MIA3: variants seen among roughly 807,000 people sequenced by gnomAD.
MIA3 encodes transport and Golgi organization protein 1 homolog.
In MIA3, 90 loss-of-function variants were observed where a neutral mutation model predicts 192.4. The ratio of observed to expected loss-of-function variants is 0.47; its 90% confidence interval spans 0.39 to 0.56. The LOEUF (loss-of-function observed/expected upper bound fraction) is 0.56. MIA3 is among the 20% of genes least tolerant of loss of function. The pLI is 0.00. For synonymous variants in MIA3, 740 were observed against 792.8 expected, an observed-to-expected ratio of 0.93 and a Z score of 1.12; for missense variants, 2,123 against 2,269.4, an observed-to-expected ratio of 0.94 and a Z score of 1.31.
chr1:222,629,581 T>G lies in MIA3; in HGVS notation c.2361T>G (p.Asp787Glu). 1 of 1,613,932 alleles carries G rather than the reference T, an allele frequency of 6.2e-7. No homozygotes were observed. The highest frequency in any genetic ancestry group is 8.5e-7 in the Non-Finnish European group (1 of 1,179,974). The change falls in exon 4 of 28, where the codon GAT (aspartate) becomes GAG (glutamate). Residue 787 changes from aspartate (D) to glutamate (E), a missense_variant. Physicochemically the swap from Asp to Glu is conservative, Grantham distance 45. This residue lies in a region of MIA3 where 1,357 missense variants were observed against 1,396.1 expected (regional missense o/e 0.97). Coordinates refer to ENST00000344922, the MANE Select transcript of MIA3 (RefSeq NM_198551.4). ...AGCAAGAAACTAGTATGATTTTGGA[T>G]AGCGAAAAAACAAGTGAGACTGCTG... Reference protein sequence around the residue: ...ESKQETSMILDSEKTSETAAK... With the variant: ...ESKQETSMILESEKTSETAAK...
chr1:222,629,651 G>A lies in MIA3; in HGVS notation c.2431G>A (p.Glu811Lys), dbSNP rs1226954958. 6.2e-7 allele frequency: 1 copy of A among 1,614,016 alleles called. No homozygotes were observed. The highest frequency in any genetic ancestry group is 1.3e-5 in the African/African-American group (1 of 74,910). The change falls in exon 4 of 28, where the codon GAA becomes AAA. Residue 811 changes from glutamate to lysine, a missense_variant. Coordinates refer to ENST00000344922, the MANE Select transcript of MIA3 (RefSeq NM_198551.4). ...TGGREPNTMV[E>K]KERPLADKKA... ...AGGCAGGGAACCAAATACAATGGTG[G>A]AAAAAGAACGCCCTCTGGCAGATAA...
intron 15 of MIA3, 134 bp from the exon 16 acceptor site, chr1:222,654,109 T>TAA: frequency 1.2e-6 from 1 of 809,140 alleles, no homozygotes. Context: ...AAAGTCAGTC[T>TAA]AATCCTTTTC....
intron 4 of MIA3, among the ~76,000 whole-genome samples, chr1:222,630,636 G>C (rs1662355757): frequency 6.6e-6 from 1 of 152,150 alleles, no homozygotes; most frequent in South Asian, 2.1e-4. Context: ...TTTGTAAAAA[G>C]CTAAAGAGAA....
rs776738075 is a variant in MIA3, at chr1:222,624,890, A to G, written c.354+36A>G. On this transcript the variant is annotated intron_variant, in intron 3 of 27. Coordinates refer to ENST00000344922, the MANE Select transcript of MIA3 (RefSeq NM_198551.4). ...GATTTCTGTCTTGTTCTCAGTTATA[A>G]GTTGGCTTATAAGTGACTACCTAGA... is the stretch of plus-strand genomic sequence containing the variant. 9 of 1,287,132 alleles carry G rather than the reference A, an allele frequency of 7.0e-6. No homozygotes were observed. The South Asian group carries it at 1.0e-4, about 14-fold the overall frequency. 79.7% of individuals were successfully genotyped at this position (1,287,132 alleles called of 1,614,324 possible). A position where few individuals can be genotyped will look rare whatever the true frequency, so the allele number is the denominator to read the frequency against.
At chr1:222,632,915 T>C (rs1662465120) in intron 5 of MIA3, among the ~76,000 whole-genome samples, 189 bp from the exon 6 acceptor site, 1 of 152,240 alleles carries the variant, frequency 6.6e-6, no homozygotes, top group South Asian at 2.1e-4. Flanking sequence ...AACACTGTAG[T>C]GTGTAATAGT....
At position 222,659,667 on chromosome 1, in the gene MIA3, C is replaced by CT. The variant is rs770237008; in HGVS notation, c.4806+17dup. The CT allele has an allele frequency of 1.2e-6, 2 of 1,613,848 alleles. No homozygotes were observed. The highest frequency in any genetic ancestry group is 1.7e-6 in the Non-Finnish European group (2 of 1,179,882). On this transcript the variant is annotated intron_variant, in intron 21 of 27. Transcript: ENST00000344922. ...AGCTCATGAAAACTGGGTAAGATTT[C>CT]TTTTTTTCTTTCCCTTATTTTGTGC... is the stretch of plus-strand genomic sequence containing the variant.
intron 6 of MIA3, chr1:222,644,396 C>G: frequency 6.5e-7 from 1 of 1,536,816 alleles, no homozygotes; most frequent in African/African-American, 1.4e-5. Flanking sequence ...GGGGCCTTTC[C>G]GGAGGAGGAA....
intron 1 of MIA3, among the ~76,000 whole-genome samples, chr1:222,619,551 A>G (rs1661765840): frequency 6.6e-6 from 1 of 152,242 alleles, no homozygotes; most frequent in African/African-American, 2.4e-5. Flanking sequence ...CAAAAGCGGT[A>G]CAACTGCCAT....
Position 222,650,723 on chromosome 1 carries a change from T to C in MIA3, c.3798+12T>C. On this transcript the variant is annotated intron_variant, in intron 10 of 27. Coordinates refer to ENST00000344922, the MANE Select transcript of MIA3 (RefSeq NM_198551.4). ...CAATTAAATATAAGGTAAAAACTTC[T>C]TTTGGGGATTACATTTTAAAACAAA... 1 of 1,577,778 alleles carries C rather than the reference T, an allele frequency of 6.3e-7. No individual in the cohort carries two copies. The highest frequency in any genetic ancestry group is 8.7e-7 in the Non-Finnish European group (1 of 1,155,834).
intron 6 of MIA3, chr1:222,641,985 A>C (rs1021712562): frequency 8.4e-6 from 3 of 357,682 alleles, no homozygotes; most frequent in African/African-American, 4.3e-5. Context: ...ACCATTATAG[A>C]TATGTGCAGC....
chr1:222,636,594 C>T (rs2124866792), intron 6 of MIA3, among the ~76,000 whole-genome samples: 1 of 149,878 alleles, frequency 6.7e-6, no homozygotes, highest in Middle Eastern at 3.4e-3. Flanking sequence ...CTCATTGCAA[C>T]CTCCACCTCC....
rs1663600736 is a variant in MIA3 at position 222,654,445 on chromosome 1, A to G, written c.4434A>G (p.Leu1478=). ...EEDLKLLQLK[L]RASVSTKCNL... ...ATCTAAAGCTTTTACAGCTTAAGCT[A>G]AGAGCCTCCGTGTCCACTAAATGTA... Residue 1478 remains leucine, a synonymous_variant, in exon 17 of 28, where the codon CTA becomes CTG. Coordinates refer to ENST00000344922, the MANE Select transcript of MIA3 (RefSeq NM_198551.4). 6.2e-7 allele frequency: 1 copy of G among 1,613,756 alleles called. No homozygotes were observed. The highest frequency in any genetic ancestry group is 8.5e-7 in the Non-Finnish European group (1 of 1,179,884).
At chr1:222,644,178 C>A (rs1663005055) in intron 6 of MIA3, 3 of 695,894 alleles carry the variant, frequency 4.3e-6, no homozygotes, top group Non-Finnish European at 2.0e-6. Context: ...TACTGGGATT[C>A]TTCCGCTCTA....
intron 24 of MIA3, among the ~76,000 whole-genome samples, chr1:222,661,682 T>C (rs1664020543): frequency 6.6e-6 from 1 of 152,216 alleles, no homozygotes; most frequent in African/African-American, 2.4e-5. Flanking sequence ...CACTTGTCAT[T>C]ACTATATAGT....
rs776552829 is a variant in MIA3, at chr1:222,628,889, G to C, written c.1669G>C (p.Glu557Gln). ...GATTTTGGAAGGTGGCTCAGAGAGT[G>C]AATCTGCACAGAAAGCTGCAGGGAA... ...EQILEGGSESESAQKAAGNQM... is the reference protein window; with the variant it reads ...EQILEGGSESQSAQKAAGNQM... The change falls in exon 4 of 28, where the codon GAA becomes CAA. Residue 557 changes from glutamate to glutamine, a missense_variant. Glu to Gln is a conservative substitution (Grantham distance 29, BLOSUM62 2). Coordinates refer to ENST00000344922, the MANE Select transcript of MIA3 (RefSeq NM_198551.4). The C allele has an allele frequency of 7.4e-6, 12 of 1,614,054 alleles. No individual in the cohort carries two copies. Among genetic ancestry groups the C allele is most frequent in the East Asian group, 2.2e-5 (1 of 44,900 alleles).
chr1:222,648,876 T>G, intron 8 of MIA3, 26 bp downstream of exon 8: 3 of 1,393,034 alleles, frequency 2.2e-6, no homozygotes, highest in Non-Finnish European at 3.0e-6. Flanking sequence ...TTTTTGTTAT[T>G]TGTACTAGTC....
intron 3 of MIA3, 66 bp from the exon 4 acceptor site, chr1:222,627,509 G>A (rs1038606055): frequency 1.0e-5 from 13 of 1,292,876 alleles, no homozygotes; most frequent in South Asian, 8.9e-5. Flanking sequence ...AATCATTAAC[G>A]TGGATAAGAC....
At chr1:222,633,838 G>C (rs1230702670) in intron 6 of MIA3, among the ~76,000 whole-genome samples, 1 of 151,828 alleles carries the variant, frequency 6.6e-6, no homozygotes, top group Non-Finnish European at 1.5e-5. Context: ...TGGGTAGTTG[G>C]TGTTTTTTCT....
chr1:222,666,713 A>G lies in MIA3; in HGVS notation c.*1094A>G, dbSNP rs1211837824. ...TTTTAGGGGGAAATGGGGGCGACAG[A>G]TATTATTCCAAAATTAATATTAATT... On this transcript the variant is annotated 3_prime_UTR_variant, in exon 28 of 28. Transcript: ENST00000344922. 2 of 148,126 alleles carry G rather than the reference A, an allele frequency of 1.4e-5. No individual in the cohort carries two copies. Among genetic ancestry groups the G allele is most frequent in the South Asian group, 2.1e-4 (1 of 4,668 alleles). 9.2% of individuals were successfully genotyped at this position (148,126 alleles called of 1,614,324 possible).
Sources: allele counts gnomAD v4.1 joint callset (sites outside exome capture counted in the v4.1 genomes callset), GRCh38; gene constraint gnomAD v4.1.1; regional missense constraint gnomAD v4.1.1; transcripts MANE v1.5; gene names NCBI Gene and HGNC (gene_info 2026-07-23, HGNC 2026-07-21).